The following MYH13 variants were observed in gnomAD, a reference collection of about 807,000 sequenced individuals.
MYH13 encodes the protein myosin-13.
Under a neutral mutation model 232.1 loss-of-function variants are expected in MYH13, and 177 were observed. That is an observed-to-expected ratio of 0.76 (90% CI 0.67 to 0.86). The LOEUF (loss-of-function observed/expected upper bound fraction) is 0.86, where lower values mean the gene tolerates loss of function less well. MYH13 is among the 40% of genes least tolerant of loss of function. The pLI, the probability that MYH13 is intolerant of heterozygous loss-of-function variation, is 0.00. For synonymous variants in MYH13, 884 were observed against 923.5 expected (o/e 0.96, Z 0.78); for missense variants, 2,246 against 2,405.9 (o/e 0.93, Z 1.39).
chr17:10,315,814 A>G lies in MYH13; in HGVS notation c.3866-3T>C. ...TTCCACTCGGTGGCTCAGCTCCCCT[A>G]CCAAACAGATGTGGCCCCCACGTCA... On this transcript the variant is annotated splice_polypyrimidine_tract_variant and splice_region_variant and intron_variant, in intron 28 of 40. Transcript: ENST00000252172. The G allele has an allele frequency of 6.2e-7, 1 of 1,613,738 alleles. No individual in the cohort carries two copies. The highest frequency in any genetic ancestry group is 8.5e-7 in the Non-Finnish European group (1 of 1,179,846).
intron 11 of MYH13, chr17:10,350,948 G>T: frequency 2.1e-6 from 1 of 477,978 alleles, no homozygotes; most frequent in Non-Finnish European, 4.0e-6. Context: ...ACAGTCGGGC[G>T]CGGTGGCTCA....
chr17:10,372,343 A>G (rs920651010), intron 1 of MYH13, among the ~76,000 whole-genome samples: 6 of 152,196 alleles, frequency 3.9e-5, no homozygotes, highest in Admixed American at 6.5e-5. Flanking sequence ...TTTCAGCCCT[A>G]TGAGTCTATA....
intron 35 of MYH13, 62 bp downstream of exon 35, chr17:10,309,172 G>GGTGCAGGAGGCGCTATCTGCCCC: frequency 6.6e-7 from 1 of 1,513,976 alleles, no homozygotes; most frequent in Non-Finnish European, 8.9e-7. Flanking sequence ...GCAGCTGCAC[G>GGTGCAGGAGGCGCTATCTGCCCC]GTGCAGGAGG....
chr17:10,345,099 C>A lies in MYH13; in HGVS notation c.1584+103G>T, dbSNP rs1026643805. On this transcript the variant is annotated intron_variant, in intron 15 of 40. Coordinates refer to ENST00000252172, the MANE Select transcript of MYH13 (RefSeq NM_003802.3). ...CAGTTATCTATCTGAAGGCTTGCAG[C>A]CTGGGGGCTAGGGGCCCCAATCTGT... 156 of 1,578,166 alleles carry A rather than the reference C, an allele frequency of 9.9e-5. 1 individual carries two copies. The highest frequency in any genetic ancestry group is 3.6e-4 in the Admixed American group (21 of 57,982).
Position 10,360,208 on chromosome 17 carries a change from C to A in MYH13, c.506-20G>T. The stretch of plus-strand genomic sequence containing the variant: ...CTCGATCTAGAAATGCAGAGGGAAG[C>A]AAAACAAAACAAATAAACAACAAAC... On this transcript the variant is annotated intron_variant, in intron 5 of 40. Transcript: ENST00000252172. 1 of 1,609,360 alleles carries A rather than the reference C, an allele frequency of 6.2e-7. No individual in the cohort carries two copies. The highest frequency in any genetic ancestry group is 2.2e-5 in the East Asian group (1 of 44,816).
In MYH13 at chr17:10,340,360, AGCCCTTCTTCTTCCC is replaced by A; in HGVS notation, c.1921_1935del (p.Gly641_Gly645del). 1.2e-6 allele frequency: 2 copies of A among 1,613,964 alleles called. No homozygotes were observed. Among genetic ancestry groups the A allele is most frequent in the Non-Finnish European group, 1.7e-6 (2 of 1,179,876 alleles). On this transcript the variant is annotated inframe_deletion, in exon 17 of 41. Transcript: ENST00000252172. ...ACGGCCGACACGGTCTGGAAAGAGG[AGCCCTTCTTCTTCCC>A]GCCCTTCTTGCTTCCTCCGGAGTCG...
At chr17:10,351,050 T>G (rs2071706765) in intron 11 of MYH13, among the ~76,000 whole-genome samples, 1 of 151,686 alleles carries the variant, frequency 6.6e-6, no homozygotes, top group African/African-American at 2.4e-5. Flanking sequence ...CGACGCTCCA[T>G]CTCTACTAAA....
At chr17:10,348,846 C>T (rs912313453) in intron 12 of MYH13, among the ~76,000 whole-genome samples, 5 of 152,060 alleles carry the variant, frequency 3.3e-5, no homozygotes, top group African/African-American at 1.2e-4. Context: ...CAAGATCTTC[C>T]CAAACTGATG....
intron 16 of MYH13, 38 bp from the exon 17 acceptor site, chr17:10,340,439 C>A: frequency 6.5e-7 from 1 of 1,547,936 alleles, no homozygotes. Context: ...AGATGCATCC[C>A]AGAGGACCCA....
chr17:10,366,381 G>GGTTTTTTTTTTTTT (rs2071837284), intron 2 of MYH13, among the ~76,000 whole-genome samples: 1 of 112,640 alleles, frequency 8.9e-6, no homozygotes, highest in Non-Finnish European at 1.9e-5. Context: ...AAATAAATCT[G>GGTTTTTTTTTTTTT]TTTTTTTTTT....
Position 10,301,211 on chromosome 17 carries a change from C to T in MYH13, c.5803-246G>A, listed in dbSNP as rs1183158066. Among the ~76,000 whole-genome samples, 5 of 152,292 alleles carry T rather than the reference C, an allele frequency of 3.3e-5. 1 individual carries two copies. In the East Asian group the frequency reaches 7.7e-4, roughly 24 times the overall value. On this transcript the variant is annotated intron_variant, in intron 40 of 40. Coordinates refer to ENST00000252172, the MANE Select transcript of MYH13 (RefSeq NM_003802.3). ...CAGGGACAGACAGGGATGACAGTGTCGTGCCTCACTGCTCATTCTTTCAAG... is the reference window on the plus strand; with the variant it reads ...CAGGGACAGACAGGGATGACAGTGTTGTGCCTCACTGCTCATTCTTTCAAG...
At chr17:10,345,990 T>C (rs1208874611) in intron 13 of MYH13, among the ~76,000 whole-genome samples, 1 of 13,086 alleles carries the variant, frequency 7.6e-5, no homozygotes, top group South Asian at 2.1e-3. Context: ...AGACTCTGTC[T>C]CAAAAAAAAA....
At chr17:10,313,119 C>A in intron 30 of MYH13, 39 bp downstream of exon 30, 1 of 1,613,648 alleles carries the variant, frequency 6.2e-7, no homozygotes, top group Middle Eastern at 1.7e-4. Context: ...GGCTTGTGTC[C>A]TCGGGCCCCC....
intron 27 of MYH13, among the ~76,000 whole-genome samples, chr17:10,316,976 A>T (rs1906738188): frequency 6.6e-6 from 1 of 152,240 alleles, no homozygotes; most frequent in African/African-American, 2.4e-5. Context: ...ACACGCAAAC[A>T]TGAAGGAATC....
At chr17:10,330,286 A>C in intron 21 of MYH13, 101 bp downstream of exon 21, 1 of 1,491,420 alleles carries the variant, frequency 6.7e-7, no homozygotes, top group Non-Finnish European at 9.0e-7. Flanking sequence ...AATGAAGGAA[A>C]GAGAGCAAGC....
intron 2 of MYH13, among the ~76,000 whole-genome samples, chr17:10,370,823 G>A (rs1597392178): frequency 6.6e-6 from 1 of 152,276 alleles, no homozygotes; most frequent in South Asian, 2.1e-4. Flanking sequence ...AGTATTACAC[G>A]TGAGGGAAGG....
intron 29 of MYH13, among the ~76,000 whole-genome samples, chr17:10,314,726 T>G (rs1906639569): frequency 6.6e-6 from 1 of 152,208 alleles, no homozygotes. Flanking sequence ...TCATGCAGTT[T>G]TTTGGACTCT....
Position 10,324,199 on chromosome 17 carries a change from C to T in MYH13, c.2757G>A (p.Leu919=), listed in dbSNP as rs139689622. ...CEGLIKSKIL[L]EAKVKELTER... is the part of the protein sequence containing the mutation. ...CCGTCAGCTCCTTGACTTTTGCTTCCAGTAGGATCTTGCTTTTGATGAGTC... is the reference window on the plus strand; with the variant it reads ...CCGTCAGCTCCTTGACTTTTGCTTCTAGTAGGATCTTGCTTTTGATGAGTC... Residue 919 remains leucine (L), a synonymous_variant, in exon 23 of 41, where the codon CTG becomes CTA. Coordinates refer to ENST00000252172, the MANE Select transcript of MYH13 (RefSeq NM_003802.3). 158 of 1,613,916 alleles carry T rather than the reference C, an allele frequency of 9.8e-5. No individual in the cohort carries two copies. The African/African-American group carries it at 1.9e-3, about 20-fold the overall frequency.
chr17:10,305,164 A>G (rs1906232669), intron 37 of MYH13, among the ~76,000 whole-genome samples: 1 of 152,166 alleles, frequency 6.6e-6, no homozygotes, highest in Non-Finnish European at 1.5e-5. Context: ...AAGTCACATA[A>G]CCGGGCAGGG....
Sources: gnomAD v4.1 joint callset for allele counts (sites outside exome capture counted in the v4.1 genomes callset) on GRCh38, gnomAD v4.1.1 for gene constraint, MANE v1.5 for transcripts, NCBI Gene and HGNC (gene_info 2026-07-23, HGNC 2026-07-21) for gene names.